Variants in DPP6 observed in about 807,000 individuals in gnomAD.
DPP6 encodes the protein A-type potassium channel modulatory protein DPP6.
Under a neutral mutation model 122.6 loss-of-function variants are expected in DPP6, and 69 were observed. The observed-to-expected ratio is 0.56, with a 90% CI of 0.46 to 0.69. The LOEUF (loss-of-function observed/expected upper bound fraction) is 0.69, where lower values mean the gene tolerates loss of function less well. DPP6 is among the 30% of genes least tolerant of loss of function. The probability of loss-of-function intolerance (pLI) is 0.00; values close to 1 mark genes in which losing one functional copy is unlikely to be tolerated. For missense variants in DPP6, 928 were observed against 1,116.9 expected (o/e 0.83, Z 2.41); for synonymous variants, 418 against 433.1 (o/e 0.97, Z 0.43).
chr7:154,763,530 T>C (rs552233697), intron 8 of DPP6, among the ~76,000 whole-genome samples: 17 of 152,076 alleles, frequency 1.1e-4, no homozygotes, highest in Admixed American at 5.2e-4. Context: ...TGATGAGATA[T>C]AGATGCGAGG....
intron 1 of DPP6, among the ~76,000 whole-genome samples, chr7:154,395,018 T>C (rs4726412): frequency 0.55 from 83,790 of 152,076 alleles, 26,539 homozygotes; most frequent in Non-Finnish European, 0.69. Context: ...CGTAATACCA[T>C]GGACTAGGTA....
chr7:154,298,725 G>C (rs1411980218), intron 1 of DPP6, among the ~76,000 whole-genome samples: 8 of 152,138 alleles, frequency 5.3e-5, no homozygotes, highest in Admixed American at 4.6e-4. Context: ...TCCATACCCT[G>C]CTGGGAGGGA....
intron 1 of DPP6, among the ~76,000 whole-genome samples, chr7:154,359,652 G>T (rs1451527999): frequency 2.6e-5 from 4 of 152,126 alleles, no homozygotes; most frequent in Admixed American, 6.5e-5. Context: ...AACAATGTCT[G>T]GCATGGTGAG....
In DPP6 at chr7:154,717,881, G is replaced by T. The variant is rs999360770; in HGVS notation, c.763-9886G>T. Among the ~76,000 whole-genome samples, 8 of 152,080 alleles carry T rather than the reference G, an allele frequency of 5.3e-5. No homozygotes were observed. In the South Asian group the frequency reaches 1.2e-3, roughly 24 times the overall value. On this transcript the variant is annotated intron_variant, in intron 7 of 25. Coordinates refer to ENST00000377770, the MANE Select transcript of DPP6 (RefSeq NM_130797.4). ...CATTTCCACCAACAGTGTATAAAAG[G>T]CCCCCCCTTATCCATATCCTCACCA...
chr7:153,976,806 A>G (rs895089542), intron 1 of DPP6, among the ~76,000 whole-genome samples: 3 of 152,154 alleles, frequency 2.0e-5, no homozygotes, highest in African/African-American at 7.2e-5. Context: ...CTTTATTTCT[A>G]AGTCAGGGGA....
chr7:154,163,126 T>C (rs1357470454), intron 1 of DPP6, among the ~76,000 whole-genome samples: 1 of 151,682 alleles, frequency 6.6e-6, no homozygotes, highest in Non-Finnish European at 1.5e-5. Flanking sequence ...GCTAGTGTTG[T>C]ATGGAACTTG....
chr7:153,806,612 T>C, the DPP6 span, among the ~76,000 whole-genome samples: 1 of 152,024 alleles, frequency 6.6e-6, no homozygotes, highest in African/African-American at 2.4e-5. Context: ...TGATGGCTTA[T>C]GGTCTTTATT....
intron 21 of DPP6, 32 bp downstream of exon 21, chr7:154,880,974 C>G (rs1263371996): frequency 6.2e-7 from 1 of 1,612,428 alleles, no homozygotes; most frequent in African/African-American, 1.3e-5. Context: ...CTGAAAACCC[C>G]TCAGTTCCAG....
intron 1 of DPP6, among the ~76,000 whole-genome samples, chr7:154,416,340 C>T (rs569338084): frequency 4.6e-4 from 70 of 152,280 alleles, no homozygotes; most frequent in Non-Finnish European, 7.8e-4. Context: ...TAAGCTAACA[C>T]AACACGATGC....
intron 17 of DPP6, among the ~76,000 whole-genome samples, chr7:154,858,972 C>T (rs187067071): frequency 1.2e-3 from 183 of 152,304 alleles, no homozygotes; most frequent in African/African-American, 4.1e-3. Flanking sequence ...GGGCGAGGCC[C>T]GGACTCTTGT....
upstream of DPP6, among the ~76,000 whole-genome samples, chr7:153,886,148 C>T (rs1311287732): frequency 6.6e-6 from 1 of 150,510 alleles, no homozygotes; most frequent in African/African-American, 2.4e-5. Context: ...CACACACACA[C>T]ACACAGCCTG....
At chr7:154,335,418 G>T (rs1809324865) in intron 1 of DPP6, among the ~76,000 whole-genome samples, 1 of 152,150 alleles carries the variant, frequency 6.6e-6, no homozygotes. Flanking sequence ...GCCACTTATG[G>T]GTTGTATAAA....
chr7:154,042,345 T>C (rs1585218057), intron 1 of DPP6, among the ~76,000 whole-genome samples: 1 of 152,168 alleles, frequency 6.6e-6, no homozygotes, highest in African/African-American at 2.4e-5. Context: ...CAATGAAAGG[T>C]TGGCCATACA....
At chr7:153,833,030 C>A in the DPP6 span, among the ~76,000 whole-genome samples, 6 of 152,168 alleles carry the variant, frequency 3.9e-5, no homozygotes, top group Non-Finnish European at 2.9e-5. Flanking sequence ...TTTTCCTTTG[C>A]CGTGTATGGA....
chr7:153,982,342 T>C (rs1447689092), intron 1 of DPP6, among the ~76,000 whole-genome samples: 1 of 151,834 alleles, frequency 6.6e-6, no homozygotes, highest in African/African-American at 2.4e-5. Flanking sequence ...CTTCAGCTAT[T>C]GATACTTGTA....
chr7:154,531,783 C>T (rs563482211), intron 3 of DPP6, among the ~76,000 whole-genome samples: 1 of 152,104 alleles, frequency 6.6e-6, no homozygotes, highest in African/African-American at 2.4e-5. Flanking sequence ...TGGACACGGA[C>T]CTGAAAGCTT....
At chr7:154,826,990 T>A (rs1313215126) in intron 16 of DPP6, among the ~76,000 whole-genome samples, 2 of 152,046 alleles carry the variant, frequency 1.3e-5, no homozygotes, top group African/African-American at 4.8e-5. Context: ...TGAGACAACA[T>A]GAACATGAAT....
chr7:154,467,503 G>C (rs754632605), intron 2 of DPP6, among the ~76,000 whole-genome samples: 2 of 152,078 alleles, frequency 1.3e-5, no homozygotes, highest in Non-Finnish European at 2.9e-5. Context: ...TGTCACAAAG[G>C]GTGCTTGCTT....
At chr7:154,859,117 A>G (rs985150652) in intron 17 of DPP6, among the ~76,000 whole-genome samples, 4 of 152,226 alleles carry the variant, frequency 2.6e-5, no homozygotes, top group African/African-American at 9.6e-5. Context: ...CATCTGGGAA[A>G]TGTGCTCACA....
Sources: allele counts gnomAD v4.1 joint callset (sites outside exome capture counted in the v4.1 genomes callset), GRCh38; gene constraint gnomAD v4.1.1; transcripts MANE v1.5; gene names NCBI Gene and HGNC (gene_info 2026-07-23, HGNC 2026-07-21).